Variants in CDYL2 observed in about 807,000 individuals in gnomAD.
The protein encoded by CDYL2 is chromodomain Y-like protein 2.
A neutral mutation model predicts 49.4 loss-of-function variants in CDYL2; 23 were observed. That is an observed-to-expected ratio of 0.47 (90% CI 0.34 to 0.66). CDYL2 has a LOEUF of 0.66. Among genes scored for constraint, CDYL2 ranks in the 30% least tolerant of loss-of-function variants. The pLI is 0.01. For synonymous variants in CDYL2, 360 were observed against 268.8 expected (o/e 1.34, Z -3.32); for missense variants, 678 against 656.4 (o/e 1.03, Z -0.36).
chr16:80,669,237 T>C (rs1397260493), intron 2 of CDYL2, among the ~76,000 whole-genome samples: 1 of 151,796 alleles, frequency 6.6e-6, no homozygotes, highest in East Asian at 2.0e-4. Flanking sequence ...CAGGCCAAGG[T>C]GACCGGCCTG....
chr16:80,668,878 G>A (rs1363230124), intron 2 of CDYL2, among the ~76,000 whole-genome samples: 12 of 151,906 alleles, frequency 7.9e-5, no homozygotes, highest in Non-Finnish European at 1.6e-4. Flanking sequence ...CAACCTGGGC[G>A]ACAGAGTCAG....
intron 2 of CDYL2, among the ~76,000 whole-genome samples, chr16:80,662,906 A>G (rs1213637956): frequency 1.3e-5 from 2 of 152,072 alleles, no homozygotes; most frequent in Non-Finnish European, 2.9e-5. Flanking sequence ...TTAGTTATTC[A>G]TATACCTTCA....
chr16:80,665,308 C>T (rs931502722), intron 2 of CDYL2, among the ~76,000 whole-genome samples: 2 of 151,976 alleles, frequency 1.3e-5, no homozygotes, highest in Non-Finnish European at 2.9e-5. Flanking sequence ...AGGGCACTGC[C>T]GTACCTGCTC....
At position 80,759,118 on chromosome 16, in the gene CDYL2, A is replaced by ATATATATATATATATATATGGTT. The variant is rs1555535884; in HGVS notation, c.24+45031_24+45032insAACCATATATATATATATATATA. Among the ~76,000 whole-genome samples the ATATATATATATATATATATGGTT allele has an allele frequency of 5.5e-3, 648 of 118,384 alleles. 2 individuals are homozygous for ATATATATATATATATATATGGTT. Among genetic ancestry groups the ATATATATATATATATATATGGTT allele is most frequent in the Non-Finnish European group, 7.7e-3 (461 of 59,596 alleles). 77.7% of individuals were successfully genotyped at this position (118,384 alleles called of 152,430 possible). ...AACCATATACTATATATATATATAT[A>ATATATATATATATATATATGGTT]TATATATATATATATATATATGGTT... On this transcript the variant is annotated intron_variant, in intron 1 of 6. Transcript: ENST00000570137.
chr16:80,683,509 T>G (rs541738632), intron 2 of CDYL2, among the ~76,000 whole-genome samples: 40 of 152,290 alleles, frequency 2.6e-4, no homozygotes, highest in Admixed American at 2.2e-3. Context: ...AAGGAGGAAT[T>G]CCATAACCTA....
In CDYL2 at chr16:80,624,340, T is replaced by C. The variant is rs543303222; in HGVS notation, c.835-3405A>G. 9.9e-5 allele frequency among the ~76,000 whole-genome samples: 15 copies of C among 152,144 alleles called. 1 individual carries two copies. In the South Asian group the frequency reaches 3.1e-3, roughly 31 times the overall value. ...TTTTTGCTGTAGGAAAACTCTCCCA[T>C]GAGAAGCTAAAACTCCATACCTGCC... On this transcript the variant is annotated intron_variant, in intron 3 of 6. Transcript: ENST00000570137.
chr16:80,671,814 G>GA (rs1307087274), intron 2 of CDYL2, among the ~76,000 whole-genome samples: 12 of 152,296 alleles, frequency 7.9e-5, no homozygotes, highest in Admixed American at 6.5e-4. Context: ...GAGTTAGAAG[G>GA]ATATGGTAAA....
chr16:80,678,369 A>T (rs1909840414), intron 2 of CDYL2, among the ~76,000 whole-genome samples: 1 of 152,170 alleles, frequency 6.6e-6, no homozygotes, highest in African/African-American at 2.4e-5. Context: ...TCATCTGACA[A>T]AGGGCTAATA....
intron 1 of CDYL2, among the ~76,000 whole-genome samples, chr16:80,736,145 T>A (rs965968358): frequency 1.6e-4 from 25 of 152,186 alleles, no homozygotes; most frequent in African/African-American, 5.5e-4. Context: ...CAAACCTCCA[T>A]CTCGTGGGTT....
intron 2 of CDYL2, among the ~76,000 whole-genome samples, 183 bp downstream of exon 2, chr16:80,684,355 G>A (rs1399870519): frequency 6.6e-6 from 1 of 152,300 alleles, no homozygotes; most frequent in African/African-American, 2.4e-5. Flanking sequence ...ATGAGGGTCT[G>A]TAACCAACAT....
At chr16:80,775,580 T>A (rs906734620) in intron 1 of CDYL2, among the ~76,000 whole-genome samples, 1 of 151,180 alleles carries the variant, frequency 6.6e-6, no homozygotes, top group Non-Finnish European at 1.5e-5. Flanking sequence ...CTAGAACACT[T>A]AAAGAAAAAA....
intron 3 of CDYL2, among the ~76,000 whole-genome samples, chr16:80,626,275 TAAAAA>T (rs11358031): frequency 1.1e-5 from 1 of 92,292 alleles, no homozygotes. Context: ...AAATCCCATC[TAAAAA>T]AAAAAAAAAA....
chr16:80,682,477 C>A (rs1204138176), intron 2 of CDYL2, among the ~76,000 whole-genome samples: 1 of 152,192 alleles, frequency 6.6e-6, no homozygotes, highest in African/African-American at 2.4e-5. Flanking sequence ...ACAGAGCTCG[C>A]AGCTCTGCCT....
rs1224060058 is a variant in CDYL2, at chr16:80,804,162, C to T, written c.12G>A (p.Gly4=). 7.7e-7 allele frequency: 1 copy of T among 1,302,332 alleles called. No homozygotes were observed. 80.7% of individuals were successfully genotyped at this position (1,302,332 alleles called of 1,614,324 possible). The change falls in exon 1 of 7, where the codon GGG becomes GGA. Residue 4 remains glycine (G), a synonymous_variant. Transcript: ENST00000570137. ...CGCGTCCCCGTACCTCGTAAAGGTC[C>T]CCAGAAGCCATGCCAGGCTGCGGAA... MAS[G]DLYEVERIVD... is the part of the protein sequence containing the mutation.
chr16:80,732,316 T>C (rs1905356365), intron 1 of CDYL2, among the ~76,000 whole-genome samples: 1 of 152,164 alleles, frequency 6.6e-6, no homozygotes, highest in Non-Finnish European at 1.5e-5. Context: ...GGACCTCTTA[T>C]CTTGGGTTCG....
intron 5 of CDYL2, among the ~76,000 whole-genome samples, chr16:80,610,492 G>C (rs991534153): frequency 6.6e-6 from 1 of 152,158 alleles, no homozygotes; most frequent in Non-Finnish European, 1.5e-5. Context: ...TTTGAAGAGG[G>C]AACTTAAGGG....
intron 1 of CDYL2, among the ~76,000 whole-genome samples, chr16:80,720,501 G>A (rs1190377244): frequency 6.6e-6 from 1 of 152,204 alleles, no homozygotes; most frequent in East Asian, 1.9e-4. Flanking sequence ...CTCTAGAAAG[G>A]AGGGTATGCT....
Position 80,804,275 on chromosome 16 carries a change from G to C in CDYL2, c.-102C>G. The C allele has an allele frequency of 1.6e-5, 16 of 1,008,230 alleles. No homozygotes were observed. The highest frequency in any genetic ancestry group is 2.0e-5 in the Non-Finnish European group (15 of 753,008). The allele number at this position is 1,008,230 out of a possible 1,614,324, so 62.5% of individuals were successfully genotyped here. On this transcript the variant is annotated 5_prime_UTR_variant, in exon 1 of 7. Transcript: ENST00000570137. Reference sequence around the variant, plus strand: ...GGTGTGCGCGTGTGTGTGCGCGCGTGTGTGTGCGAGTGTGTGTGGTGTGTT... The same window carrying C: ...GGTGTGCGCGTGTGTGTGCGCGCGTCTGTGTGCGAGTGTGTGTGGTGTGTT...
At chr16:80,743,247 C>T (rs1383226362) in intron 1 of CDYL2, among the ~76,000 whole-genome samples, 2 of 152,216 alleles carry the variant, frequency 1.3e-5, no homozygotes, top group Admixed American at 1.3e-4. Flanking sequence ...TACTTCTGCT[C>T]CCAGAAGTAA....
Sources: gnomAD v4.1 joint callset for allele counts (sites outside exome capture counted in the v4.1 genomes callset) on GRCh38, gnomAD v4.1.1 for gene constraint, MANE v1.5 for transcripts, NCBI Gene and HGNC (gene_info 2026-07-23, HGNC 2026-07-21) for gene names.